UBE2E2: variants seen among roughly 807,000 people sequenced by gnomAD.
UBE2E2 encodes ubiquitin-conjugating enzyme E2 E2.
In UBE2E2, 6 loss-of-function variants were observed where a neutral mutation model predicts 24.7. The ratio of observed to expected loss-of-function variants is 0.24; its 90% CI spans 0.13 to 0.48. UBE2E2 has a LOEUF of 0.48. Among genes scored for constraint, UBE2E2 ranks in the 20% least tolerant of loss-of-function variants. The pLI, the probability that UBE2E2 is intolerant of heterozygous loss-of-function variation, is 0.99. For synonymous variants in UBE2E2, 104 were observed against 83.6 expected (o/e 1.24, Z -1.33); for missense variants, 169 against 245.0 (o/e 0.69, Z 2.07).
intron 3 of UBE2E2, among the ~76,000 whole-genome samples, chr3:23,436,233 A>G (rs1698180747): frequency 6.6e-6 from 1 of 152,076 alleles, no homozygotes; most frequent in Non-Finnish European, 1.5e-5. Context: ...GCGGCACATG[A>G]TATTGAACCT....
chr3:23,466,353 A>G (rs1175728308), intron 3 of UBE2E2, among the ~76,000 whole-genome samples: 1 of 152,238 alleles, frequency 6.6e-6, no homozygotes, highest in Non-Finnish European at 1.5e-5. Flanking sequence ...TCTCAGCACT[A>G]GTTGTCTACA....
Position 23,551,507 on chromosome 3 carries a change from A to G in UBE2E2, c.508+18806A>G, listed in dbSNP as rs55670581. Among the ~76,000 whole-genome samples, 789 of 152,336 alleles carry G rather than the reference A, an allele frequency of 5.2e-3. 8 individuals carry two copies. The highest frequency in any genetic ancestry group is 0.018 in the African/African-American group (736 of 41,580). ...AACTTGCTAGTAACTTGGGGCTACT[A>G]TCATTACTGTTACTGTAGGACTTAC... is the stretch of plus-strand genomic sequence containing the variant. On this transcript the variant is annotated intron_variant, in intron 5 of 5. Transcript: ENST00000396703.
chr3:23,581,204 T>C (rs1470656123), intron 5 of UBE2E2, among the ~76,000 whole-genome samples: 6 of 152,068 alleles, frequency 3.9e-5, no homozygotes, highest in Non-Finnish European at 8.8e-5. Context: ...ACTATAGGCA[T>C]GCACCACCAC....
chr3:23,479,009 G>A lies in UBE2E2; in HGVS notation c.228-20599G>A, dbSNP rs370953949. On this transcript the variant is annotated intron_variant, in intron 3 of 5. Coordinates refer to ENST00000396703, the MANE Select transcript of UBE2E2 (RefSeq NM_152653.4). ...GGAGATGGAGGCTGCAGTGAGCTGCGATCATACCACAGGATCCTTTGTAAT... is the reference window on the plus strand; with the variant it reads ...GGAGATGGAGGCTGCAGTGAGCTGCAATCATACCACAGGATCCTTTGTAAT... Among the ~76,000 whole-genome samples, 9 of 152,252 alleles carry A rather than the reference G, an allele frequency of 5.9e-5. No homozygotes were observed. In the South Asian group the frequency reaches 1.5e-3, roughly 25 times the overall value.
chr3:23,531,741 A>G lies in UBE2E2; in HGVS notation c.361-813A>G, dbSNP rs145323701. Among the ~76,000 whole-genome samples the G allele has an allele frequency of 5.9e-3, 895 of 152,328 alleles. 10 individuals carry two copies. Among genetic ancestry groups the G allele is most frequent in the African/African-American group, 0.021 (863 of 41,574 alleles). On this transcript the variant is annotated intron_variant, in intron 4 of 5. Coordinates refer to ENST00000396703, the MANE Select transcript of UBE2E2 (RefSeq NM_152653.4). Reference sequence around the variant, plus strand: ...GTTCTATGAACTGGGCATGTTATTTATATAAATGCCTTAGTTTATGTTTTA... The same window carrying G: ...GTTCTATGAACTGGGCATGTTATTTGTATAAATGCCTTAGTTTATGTTTTA...
At chr3:23,399,623 A>G (rs1336198917) in intron 3 of UBE2E2, among the ~76,000 whole-genome samples, 1 of 152,212 alleles carries the variant, frequency 6.6e-6, no homozygotes, top group African/African-American at 2.4e-5. Context: ...TTTTTGGGCT[A>G]CAGTTGACCT....
intron 3 of UBE2E2, among the ~76,000 whole-genome samples, chr3:23,290,046 T>C (rs575719696): frequency 6.6e-6 from 1 of 152,248 alleles, no homozygotes; most frequent in Non-Finnish European, 1.5e-5. Context: ...CAAGGGTGAA[T>C]ATATTTTAAG....
intron 5 of UBE2E2, among the ~76,000 whole-genome samples, chr3:23,540,616 G>C (rs1317215502): frequency 1.3e-5 from 2 of 152,218 alleles, no homozygotes; most frequent in African/African-American, 2.4e-5. Flanking sequence ...TGTTGATCAG[G>C]CTGGTCTCAA....
chr3:23,288,849 A>G (rs1488604024), intron 3 of UBE2E2, among the ~76,000 whole-genome samples: 1 of 152,132 alleles, frequency 6.6e-6, no homozygotes, highest in Admixed American at 6.5e-5. Flanking sequence ...TATGAATAGG[A>G]AGTAGCATAC....
At chr3:23,268,254 G>A (rs1469063137) in intron 3 of UBE2E2, among the ~76,000 whole-genome samples, 1 of 148,268 alleles carries the variant, frequency 6.7e-6, no homozygotes, top group East Asian at 2.0e-4. Context: ...TAGGAAAAGA[G>A]GAAGTCAAAT....
intron 3 of UBE2E2, among the ~76,000 whole-genome samples, chr3:23,225,324 T>C (rs537332932): frequency 6.6e-6 from 1 of 152,294 alleles, no homozygotes; most frequent in Non-Finnish European, 1.5e-5. Flanking sequence ...ATCTGTTTTT[T>C]CTTTTGTTGT....
intron 3 of UBE2E2, among the ~76,000 whole-genome samples, chr3:23,471,245 AT>A (rs747443315): frequency 3.3e-5 from 5 of 152,220 alleles, no homozygotes; most frequent in African/African-American, 4.8e-5. Flanking sequence ...CAGGAAGAAG[AT>A]TCCTGAAAGA....
chr3:23,203,239 G>T (rs1294957576), upstream of UBE2E2: 2 of 988,462 alleles, frequency 2.0e-6, no homozygotes, highest in Non-Finnish European at 2.4e-6. Flanking sequence ...ACGGCCGGGG[G>T]CGGCGGCAGC....
At chr3:23,242,386 G>GC (rs1185313594) in intron 3 of UBE2E2, among the ~76,000 whole-genome samples, 18 of 92,744 alleles carry the variant, frequency 1.9e-4, no homozygotes, top group African/African-American at 6.3e-4. Flanking sequence ...TTTTTTCCCC[G>GC]CCCCCCGCCC....
At chr3:23,587,965 C>T (rs1036339950) in intron 5 of UBE2E2, among the ~76,000 whole-genome samples, 5 of 152,356 alleles carry the variant, frequency 3.3e-5, no homozygotes, top group Admixed American at 2.6e-4. Context: ...ACGAGATTTA[C>T]ACAATTCCAG....
intron 3 of UBE2E2, among the ~76,000 whole-genome samples, chr3:23,422,752 A>G (rs1473720720): frequency 6.6e-6 from 1 of 152,224 alleles, no homozygotes; most frequent in Non-Finnish European, 1.5e-5. Context: ...GACTAGAAAT[A>G]GAATAGGATG....
intron 3 of UBE2E2, among the ~76,000 whole-genome samples, chr3:23,317,282 C>T (rs1694608374): frequency 6.6e-6 from 1 of 152,134 alleles, no homozygotes; most frequent in South Asian, 2.1e-4. Flanking sequence ...TGGGCAGTTC[C>T]CCTGTGGCTA....
At chr3:23,463,736 T>C (rs945445399) in intron 3 of UBE2E2, among the ~76,000 whole-genome samples, 1 of 152,164 alleles carries the variant, frequency 6.6e-6, no homozygotes, top group East Asian at 1.9e-4. Context: ...TGTAATGTGG[T>C]AACCATTGGA....
intron 3 of UBE2E2, among the ~76,000 whole-genome samples, chr3:23,362,247 G>A (rs184688683): frequency 1.3e-5 from 2 of 152,300 alleles, no homozygotes; most frequent in East Asian, 1.9e-4. Flanking sequence ...TCTGGGCTCA[G>A]TGTGGAGCCA....
Sources: allele counts gnomAD v4.1 joint callset (sites outside exome capture counted in the v4.1 genomes callset), GRCh38; gene constraint gnomAD v4.1.1; transcripts MANE v1.5; gene names NCBI Gene and HGNC (gene_info 2026-07-23, HGNC 2026-07-21).